Variants in LDB2 observed in about 807,000 individuals in gnomAD.
LDB2 encodes the protein LIM domain binding 2.
In LDB2, 12 loss-of-function variants were observed where a neutral mutation model predicts 44.3. That is an observed-to-expected ratio of 0.27 (90% CI 0.17 to 0.44). The LOEUF (loss-of-function observed/expected upper bound fraction) is 0.44. Ranked by LOEUF, LDB2 falls within the 20% of genes least tolerant of loss-of-function variation. LDB2 has a pLI of 1.00. For missense variants in LDB2, 344 were observed against 473.5 expected, an observed-to-expected ratio of 0.73 and a Z score of 2.54; for synonymous variants, 164 against 174.8, an observed-to-expected ratio of 0.94 and a Z score of 0.49.
chr4:16,646,656 C>T (rs1378518104), intron 2 of LDB2, among the ~76,000 whole-genome samples: 1 of 152,148 alleles, frequency 6.6e-6, no homozygotes, highest in Non-Finnish European at 1.5e-5. Context: ...AGCTGACTTG[C>T]AGATTTAAGA....
intron 2 of LDB2, among the ~76,000 whole-genome samples, chr4:16,638,535 CA>C (rs1425951800): frequency 6.6e-6 from 1 of 152,138 alleles, no homozygotes; most frequent in Non-Finnish European, 1.5e-5. Flanking sequence ...CAAAGAACTT[CA>C]AAAATGAAAT....
chr4:16,656,396 C>A lies in LDB2; in HGVS notation c.236-60521G>T, dbSNP rs529258383. 5.3e-5 allele frequency among the ~76,000 whole-genome samples: 8 copies of A among 152,270 alleles called. No homozygotes were observed. In the South Asian group the frequency reaches 1.7e-3, roughly 32 times the overall value. On this transcript the variant is annotated intron_variant, in intron 2 of 7. Transcript: ENST00000304523. ...AGCGCAGCCCCTTCTCTGGCAAGTGCAGGACAACTCAGTCTAAGTTGCACT... is the reference window on the plus strand; with the variant it reads ...AGCGCAGCCCCTTCTCTGGCAAGTGAAGGACAACTCAGTCTAAGTTGCACT...
chr4:16,840,021 A>G (rs1785571736), intron 1 of LDB2, among the ~76,000 whole-genome samples: 1 of 152,202 alleles, frequency 6.6e-6, no homozygotes, highest in Non-Finnish European at 1.5e-5. Flanking sequence ...AATCCTTTGC[A>G]TGCTAGTAGT....
chr4:16,610,529 T>A (rs967369602), intron 2 of LDB2, among the ~76,000 whole-genome samples: 6 of 152,046 alleles, frequency 3.9e-5, no homozygotes, highest in African/African-American at 1.4e-4. Flanking sequence ...AATGACCTGA[T>A]AGAGCTGAAA....
intron 1 of LDB2, among the ~76,000 whole-genome samples, chr4:16,829,334 G>T (rs1162848407): frequency 2.0e-5 from 3 of 152,094 alleles, no homozygotes; most frequent in African/African-American, 7.2e-5. Flanking sequence ...ATTAGGCAAA[G>T]TTCCCAATAC....
intron 5 of LDB2, among the ~76,000 whole-genome samples, chr4:16,565,435 TC>T (rs1235921864): frequency 2.0e-5 from 3 of 151,188 alleles, no homozygotes; most frequent in African/African-American, 7.4e-5. Flanking sequence ...AAATTCGACA[TC>T]CATTTTTTTT....
intron 1 of LDB2, among the ~76,000 whole-genome samples, chr4:16,763,859 T>G (rs1768557600): frequency 6.6e-6 from 1 of 152,238 alleles, no homozygotes; most frequent in African/African-American, 2.4e-5. Flanking sequence ...CTAATTTCTT[T>G]GCGTCTGTTT....
chr4:16,820,964 A>T (rs940000393), intron 1 of LDB2, among the ~76,000 whole-genome samples: 3 of 152,202 alleles, frequency 2.0e-5, no homozygotes, highest in African/African-American at 7.2e-5. Context: ...CAATGGTCTT[A>T]TCACATACTA....
At chr4:16,560,149 T>A (rs1055525511) in intron 5 of LDB2, among the ~76,000 whole-genome samples, 28 of 151,910 alleles carry the variant, frequency 1.8e-4, no homozygotes, top group African/African-American at 6.3e-4. Context: ...AAGTCACAAT[T>A]AAAAGAACTA....
intron 5 of LDB2, among the ~76,000 whole-genome samples, chr4:16,556,574 T>C (rs887051071): frequency 2.4e-4 from 37 of 152,330 alleles, no homozygotes; most frequent in Admixed American, 1.9e-3. Context: ...AAAGACTGTT[T>C]ATTCACATAG....
chr4:16,749,420 T>TG (rs1352076909), intron 2 of LDB2, among the ~76,000 whole-genome samples: 1 of 151,458 alleles, frequency 6.6e-6, no homozygotes, highest in Non-Finnish European at 1.5e-5. Context: ...TAGCCGGGTG[T>TG]GGTTGTGAGC....
At chr4:16,770,874 C>T (rs368297457) in intron 1 of LDB2, among the ~76,000 whole-genome samples, 2 of 152,292 alleles carry the variant, frequency 1.3e-5, no homozygotes, top group East Asian at 3.9e-4. Flanking sequence ...AGGTTTTGTT[C>T]ATGACAGCTC....
intron 2 of LDB2, among the ~76,000 whole-genome samples, chr4:16,613,979 G>C (rs1726416552): frequency 6.6e-6 from 1 of 152,160 alleles, no homozygotes; most frequent in African/African-American, 2.4e-5. Flanking sequence ...TAAGTGAAAA[G>C]AACAAACTGG....
At chr4:16,833,860 C>G (rs1047124332) in intron 1 of LDB2, among the ~76,000 whole-genome samples, 4 of 152,098 alleles carry the variant, frequency 2.6e-5, no homozygotes, top group African/African-American at 9.7e-5. Flanking sequence ...TTCTATTACT[C>G]AGTCTATTCC....
intron 1 of LDB2, among the ~76,000 whole-genome samples, chr4:16,863,656 CTTTTTTTTTTTT>C (rs143950913): frequency 1.1e-5 from 1 of 91,956 alleles, no homozygotes; most frequent in East Asian, 3.9e-4. Flanking sequence ...CTCACATTCT[CTTTTTTTTTTTT>C]TTTTTTTTTT....
At chr4:16,659,925 G>T (rs962662802) in intron 2 of LDB2, among the ~76,000 whole-genome samples, 4 of 152,020 alleles carry the variant, frequency 2.6e-5, no homozygotes, top group Non-Finnish European at 5.9e-5. Context: ...AAAAAGAAGA[G>T]TGCTACCAAA....
chr4:16,647,142 C>T (rs1380195571), intron 2 of LDB2, among the ~76,000 whole-genome samples: 2 of 152,116 alleles, frequency 1.3e-5, no homozygotes, highest in Non-Finnish European at 2.9e-5. Context: ...GAATGAAGTA[C>T]TGATATATAG....
chr4:16,845,030 T>A (rs1786681415), intron 1 of LDB2, among the ~76,000 whole-genome samples: 1 of 152,200 alleles, frequency 6.6e-6, no homozygotes, highest in Non-Finnish European at 1.5e-5. Flanking sequence ...TCACTCTGGC[T>A]CTTTAAGAGT....
intron 7 of LDB2, chr4:16,506,083 A>T: frequency 7.9e-7 from 1 of 1,267,554 alleles, no homozygotes; most frequent in Non-Finnish European, 1.1e-6. Flanking sequence ...AGCTGTGGTC[A>T]TAGTGGCACA....
Sources: allele counts gnomAD v4.1 joint callset (sites outside exome capture counted in the v4.1 genomes callset), GRCh38; gene constraint gnomAD v4.1.1; transcripts MANE v1.5; gene names NCBI Gene and HGNC (gene_info 2026-07-23, HGNC 2026-07-21).